The following PTPRT variants were observed in gnomAD, a reference collection of about 807,000 sequenced individuals.
The protein encoded by PTPRT is receptor-type tyrosine-protein phosphatase T.
PTPRT carries 56 observed loss-of-function variants against 176.8 expected under a neutral mutation model. That is an observed-to-expected ratio of 0.32 (90% CI 0.26 to 0.40). The LOEUF (loss-of-function observed/expected upper bound fraction) is 0.40. Ranked by LOEUF, PTPRT falls within the 10% of genes least tolerant of loss-of-function variation. The pLI is 1.00. For synonymous variants in PTPRT, 783 were observed against 739.0 expected (o/e 1.06, Z -0.96); for missense variants, 1,540 against 1,908.2 (o/e 0.81, Z 3.60).
At chr20:42,565,825 G>C (rs2073030478) in intron 7 of PTPRT, among the ~76,000 whole-genome samples, 5 of 151,962 alleles carry the variant, frequency 3.3e-5, no homozygotes, top group Admixed American at 3.3e-4. Flanking sequence ...TCCCAGCTGG[G>C]TCCTGTAACC....
chr20:42,063,733 G>C, the PTPRT span: 2 of 152,118 alleles, frequency 1.3e-5, no homozygotes, highest in South Asian at 4.1e-4. Flanking sequence ...GTCTGGAGAG[G>C]TGAGAAGACC....
chr20:42,317,589 C>T (rs972998973), intron 11 of PTPRT, among the ~76,000 whole-genome samples: 3 of 152,074 alleles, frequency 2.0e-5, no homozygotes, highest in African/African-American at 4.8e-5. Flanking sequence ...AAAAATGAAA[C>T]GTGTTGCAGG....
intron 6 of PTPRT, among the ~76,000 whole-genome samples, chr20:42,701,454 AT>A (rs2075972742): frequency 6.6e-6 from 1 of 152,186 alleles, no homozygotes; most frequent in Admixed American, 6.5e-5. Flanking sequence ...CCCTTTTCAA[AT>A]TTCAGGCTCA....
chr20:42,798,944 C>A (rs2077490940), intron 2 of PTPRT, among the ~76,000 whole-genome samples: 1 of 151,834 alleles, frequency 6.6e-6, no homozygotes, highest in Middle Eastern at 3.2e-3. Flanking sequence ...CAGAGTCAGG[C>A]AGGGAGTTTG....
intron 1 of PTPRT, among the ~76,000 whole-genome samples, chr20:42,929,779 G>A (rs1187157851): frequency 2.0e-5 from 3 of 152,194 alleles, no homozygotes; most frequent in African/African-American, 7.2e-5. Flanking sequence ...GAATACAAGC[G>A]TCCTTGGCTC....
intron 17 of PTPRT, among the ~76,000 whole-genome samples, chr20:42,144,665 C>A (rs1393800851): frequency 2.0e-5 from 3 of 152,154 alleles, no homozygotes; most frequent in Non-Finnish European, 4.4e-5. Context: ...ATTATCAGAC[C>A]ATGTTTTGAT....
intron 3 of PTPRT, among the ~76,000 whole-genome samples, chr20:42,790,631 G>A (rs62205409): frequency 0.026 from 3,946 of 152,244 alleles, 69 homozygotes; most frequent in Middle Eastern, 0.092. Context: ...CTCTGCCATA[G>A]TCTATCATCC....
At chr20:42,436,038 T>A (rs1225277242) in intron 9 of PTPRT, among the ~76,000 whole-genome samples, 1 of 152,172 alleles carries the variant, frequency 6.6e-6, no homozygotes, top group Non-Finnish European at 1.5e-5. Flanking sequence ...GATAAAGTGT[T>A]TATCAATGTA....
At chr20:42,202,510 G>C (rs1991495184) in intron 15 of PTPRT, among the ~76,000 whole-genome samples, 1 of 152,136 alleles carries the variant, frequency 6.6e-6, no homozygotes, top group African/African-American at 2.4e-5. Flanking sequence ...AATTAGACAG[G>C]GGCGGGGGAA....
Position 42,196,755 on chromosome 20 carries a change from A to G in PTPRT, c.2491+2485T>C, listed in dbSNP as rs532901422. On this transcript the variant is annotated intron_variant, in intron 16 of 30. Transcript: ENST00000373187. ...GTGATTTATCTGGATTGAAAATGGGAAAAAAAGGACTGGCTTCATGGTTAG... is the reference window on the plus strand; with the variant it reads ...GTGATTTATCTGGATTGAAAATGGGGAAAAAAGGACTGGCTTCATGGTTAG... Among the ~76,000 whole-genome samples, 5 of 152,280 alleles carry G rather than the reference A, an allele frequency of 3.3e-5. No individual in the cohort carries two copies. In the South Asian group the frequency reaches 1.0e-3, roughly 32 times the overall value.
intron 15 of PTPRT, among the ~76,000 whole-genome samples, chr20:42,206,521 G>A (rs1342505452): frequency 6.6e-5 from 10 of 152,164 alleles, no homozygotes; most frequent in South Asian, 4.2e-4. Context: ...AAGGGGTGAC[G>A]GACGGCACCT....
At chr20:42,588,817 G>A (rs2038210) in intron 7 of PTPRT, among the ~76,000 whole-genome samples, 28,318 of 152,066 alleles carry the variant, frequency 0.19, 3,147 homozygotes, top group Non-Finnish European at 0.26. Context: ...CTAACTAAGT[G>A]TTTATTGTGT....
chr20:42,579,388 T>G (rs2073329868), intron 7 of PTPRT, among the ~76,000 whole-genome samples: 2 of 152,176 alleles, frequency 1.3e-5, no homozygotes, highest in South Asian at 4.1e-4. Context: ...TGTGTCTTTA[T>G]AGCAGCATGA....
rs1555830566 is a variant in PTPRT at position 42,350,228 on chromosome 20, T to TTGTTGTTTTG, written c.1865+399_1865+400insCAAAACAACA. On this transcript the variant is annotated intron_variant, in intron 11 of 30. Coordinates refer to ENST00000373187, the MANE Select transcript of PTPRT (RefSeq NM_007050.6). ...GGATGTTTCTTGTTTTTTTTTTTTTTTTTTTTTTTTTTTTTTTTGAGACAG... is the reference window on the plus strand; with the variant it reads ...GGATGTTTCTTGTTTTTTTTTTTTTTTGTTGTTTTGTTTTTTTTTTTTTTTTTTGAGACAG... Among the ~76,000 whole-genome samples, 64 of 118,060 alleles carry TTGTTGTTTTG rather than the reference T, an allele frequency of 5.4e-4. 1 individual carries two copies. The highest frequency in any genetic ancestry group is 8.7e-4 in the African/African-American group (25 of 28,762). 77.5% of individuals were successfully genotyped at this position (118,060 alleles called of 152,430 possible).
intron 6 of PTPRT, among the ~76,000 whole-genome samples, chr20:42,743,604 C>CA: frequency 1.3e-5 from 2 of 152,278 alleles, no homozygotes; most frequent in Admixed American, 1.3e-4. Flanking sequence ...AGGCCCTGAG[C>CA]AATGGTCACT....
chr20:42,058,592 A>G, the PTPRT span, among the ~76,000 whole-genome samples: 1 of 152,196 alleles, frequency 6.6e-6, no homozygotes, highest in African/African-American at 2.4e-5. Flanking sequence ...TATGAAGAAA[A>G]TGAGAACAGA....
In PTPRT at chr20:43,107,217, CA is replaced by C. The variant is rs2012653777; in HGVS notation, c.88+82428del. On this transcript the variant is annotated intron_variant, in intron 1 of 30. Coordinates refer to ENST00000373187, the MANE Select transcript of PTPRT (RefSeq NM_007050.6). ...ATGACCCAAACCCTCCAAACAGAGT[CA>C]AATAAGGAAGAAAATAGTCTCGGAT... Among the ~76,000 whole-genome samples, 3 of 152,130 alleles carry C rather than the reference CA, an allele frequency of 2.0e-5. No homozygotes were observed. The South Asian group carries it at 6.2e-4, about 32-fold the overall frequency.
At chr20:42,157,630 C>G (rs181611126) in intron 17 of PTPRT, among the ~76,000 whole-genome samples, 11 of 152,186 alleles carry the variant, frequency 7.2e-5, no homozygotes, top group African/African-American at 2.2e-4. Context: ...TTCTTCCCCC[C>G]CCAATATTTC....
intron 12 of PTPRT, among the ~76,000 whole-genome samples, chr20:42,289,551 C>T (rs1327204820): frequency 1.3e-5 from 2 of 152,120 alleles, no homozygotes; most frequent in Non-Finnish European, 1.5e-5. Context: ...TGTTAATCAT[C>T]GGAGAAATGC....
Sources: allele counts gnomAD v4.1 joint callset (sites outside exome capture counted in the v4.1 genomes callset), GRCh38; gene constraint gnomAD v4.1.1; transcripts MANE v1.5; gene names NCBI Gene and HGNC (gene_info 2026-07-23, HGNC 2026-07-21).